Variants in JAZF1 observed in about 807,000 individuals in gnomAD.
The protein encoded by JAZF1 is JAZF zinc finger 1.
JAZF1 carries 8 observed loss-of-function variants against 26.4 expected under a neutral mutation model. The ratio of observed to expected loss-of-function variants is 0.30; its 90% confidence interval spans 0.18 to 0.55. The LOEUF is 0.55. Ranked by LOEUF, JAZF1 falls within the 20% of genes least tolerant of loss-of-function variation. JAZF1 has a pLI of 0.94. For missense variants in JAZF1, 199 were observed against 322.0 expected, an observed-to-expected ratio of 0.62 and a Z score of 2.92; for synonymous variants, 126 against 122.3, an observed-to-expected ratio of 1.03 and a Z score of -0.20.
chr7:28,119,859 T>C (rs1247976317), intron 1 of JAZF1, among the ~76,000 whole-genome samples: 1 of 152,216 alleles, frequency 6.6e-6, no homozygotes, highest in East Asian at 1.9e-4. Context: ...TCCTGCACCT[T>C]ACCCCACTAG....
intron 3 of JAZF1, among the ~76,000 whole-genome samples, chr7:27,848,483 T>G (rs1159944399): frequency 6.6e-6 from 1 of 152,226 alleles, no homozygotes; most frequent in Non-Finnish European, 1.5e-5. Flanking sequence ...ATGAAACCAT[T>G]CTCTATCAGA....
At chr7:28,138,145 C>A (rs1782912389) in intron 1 of JAZF1, among the ~76,000 whole-genome samples, 1 of 152,146 alleles carries the variant, frequency 6.6e-6, no homozygotes, top group Admixed American at 6.5e-5. Flanking sequence ...CAGGTATAAA[C>A]TCTCTGCAGG....
At chr7:28,165,704 T>A (rs1255292963) in intron 1 of JAZF1, among the ~76,000 whole-genome samples, 1 of 152,184 alleles carries the variant, frequency 6.6e-6, no homozygotes. Context: ...TGAACTTCAT[T>A]CAGACCCCTT....
At chr7:28,090,233 T>C (rs1019504802) in intron 1 of JAZF1, among the ~76,000 whole-genome samples, 2 of 152,248 alleles carry the variant, frequency 1.3e-5, no homozygotes, top group Non-Finnish European at 2.9e-5. Context: ...TGTATAGCTC[T>C]TATAGTGCCT....
intron 1 of JAZF1, among the ~76,000 whole-genome samples, chr7:28,072,664 C>T (rs1783994563): frequency 6.6e-6 from 1 of 152,152 alleles, no homozygotes. Context: ...TCCACCACCA[C>T]CCCACCCAAA....
At position 28,167,198 on chromosome 7, in the gene JAZF1, C is replaced by T. The variant is rs116715438; in HGVS notation, c.115+13265G>A. Among the ~76,000 whole-genome samples the T allele has an allele frequency of 1.6e-3, 250 of 152,262 alleles. 2 individuals carry two copies. Among genetic ancestry groups the T allele is most frequent in the African/African-American group, 5.1e-3 (213 of 41,540 alleles). On this transcript the variant is annotated intron_variant, in intron 1 of 4. Coordinates refer to ENST00000283928, the MANE Select transcript of JAZF1 (RefSeq NM_175061.4). ...GAATTAAATAAGTTGGCCAAGGTCA[C>T]GTAGCCTGTGGGATTCCAGGGTCAT... is the stretch of plus-strand genomic sequence containing the variant.
intron 1 of JAZF1, among the ~76,000 whole-genome samples, chr7:28,104,821 A>G (rs1156492688): frequency 6.6e-6 from 1 of 152,244 alleles, no homozygotes; most frequent in Non-Finnish European, 1.5e-5. Context: ...AGATTAAAAG[A>G]TTAAACGTCA....
chr7:28,089,209 G>C (rs1343076246), intron 1 of JAZF1, among the ~76,000 whole-genome samples: 2 of 152,204 alleles, frequency 1.3e-5, no homozygotes, highest in Admixed American at 1.3e-4. Context: ...GAGGTAATTA[G>C]ATCATAAGAG....
At chr7:28,149,728 G>T (rs1583586440) in intron 1 of JAZF1, among the ~76,000 whole-genome samples, 1 of 152,218 alleles carries the variant, frequency 6.6e-6, no homozygotes, top group Admixed American at 6.5e-5. Flanking sequence ...TGTGAGAGCT[G>T]TCTAAAACGA....
intron 1 of JAZF1, among the ~76,000 whole-genome samples, chr7:28,159,054 G>C (rs1265907408): frequency 6.6e-6 from 1 of 152,096 alleles, no homozygotes. Flanking sequence ...AGGGGAGAGA[G>C]ACGCTGAACA....
chr7:27,917,412 A>T (rs1023941606), intron 2 of JAZF1, among the ~76,000 whole-genome samples: 11 of 152,232 alleles, frequency 7.2e-5, no homozygotes, highest in Non-Finnish European at 1.5e-4. Flanking sequence ...ATGAGGAACC[A>T]ACTGCTTCCA....
chr7:27,991,636 A>C (rs890179186), intron 2 of JAZF1, among the ~76,000 whole-genome samples: 1 of 152,210 alleles, frequency 6.6e-6, no homozygotes, highest in African/African-American at 2.4e-5. Context: ...CTGCCCTATG[A>C]AGTCAAAAGA....
At chr7:28,142,705 C>A (rs931183907) in intron 1 of JAZF1, among the ~76,000 whole-genome samples, 3 of 152,192 alleles carry the variant, frequency 2.0e-5, no homozygotes, top group African/African-American at 7.2e-5. Context: ...AGCAGGCCAC[C>A]CAGGGCCCTG....
intron 2 of JAZF1, among the ~76,000 whole-genome samples, chr7:27,956,542 TG>T (rs1785095990): frequency 6.6e-6 from 1 of 152,206 alleles, no homozygotes; most frequent in South Asian, 2.1e-4. Flanking sequence ...CTTCATTTAT[TG>T]TTCCCCGTTT....
chr7:28,056,672 T>G (rs886556820), intron 1 of JAZF1, among the ~76,000 whole-genome samples: 2 of 152,144 alleles, frequency 1.3e-5, no homozygotes, highest in Admixed American at 6.6e-5. Context: ...TATGCTCAGC[T>G]GGGGCTCAGG....
At chr7:28,031,657 A>T (rs1489982190) in intron 1 of JAZF1, among the ~76,000 whole-genome samples, 2 of 152,066 alleles carry the variant, frequency 1.3e-5, no homozygotes, top group South Asian at 4.1e-4. Flanking sequence ...CCAAACACCA[A>T]ATGTTCTCAC....
At chr7:27,849,169 G>A (rs1392398852) in intron 3 of JAZF1, among the ~76,000 whole-genome samples, 2 of 152,218 alleles carry the variant, frequency 1.3e-5, no homozygotes, top group East Asian at 3.9e-4. Context: ...GACAAAGCAA[G>A]GCCCTGGAGA....
chr7:27,874,993 T>A (rs1443636326), intron 3 of JAZF1, among the ~76,000 whole-genome samples: 1 of 152,100 alleles, frequency 6.6e-6, no homozygotes. Context: ...TTGGGGTAGG[T>A]CCCAGAGAGC....
chr7:28,148,093 C>A (rs1783055182), intron 1 of JAZF1, among the ~76,000 whole-genome samples: 1 of 150,166 alleles, frequency 6.7e-6, no homozygotes, highest in African/African-American at 2.5e-5. Context: ...TTTTTTCAGA[C>A]AGAGTCTCAC....
Sources: gnomAD v4.1 joint callset for allele counts (sites outside exome capture counted in the v4.1 genomes callset) on GRCh38, gnomAD v4.1.1 for gene constraint, MANE v1.5 for transcripts, NCBI Gene and HGNC (gene_info 2026-07-23, HGNC 2026-07-21) for gene names.